MINDY2: variants seen among roughly 807,000 people sequenced by gnomAD.
MINDY2 encodes the protein MINDY lysine 48 deubiquitinase 2, also known as ubiquitin carboxyl-terminal hydrolase MINDY-2.
In MINDY2, 52 loss-of-function variants were observed where a neutral mutation model predicts 68.2. The observed-to-expected ratio is 0.76, with a 90% CI of 0.61 to 0.96. The LOEUF is 0.96. MINDY2 is among the 40% of genes least tolerant of loss of function. MINDY2 has a pLI of 0.00. For missense variants in MINDY2, 881 were observed against 773.4 expected, an observed-to-expected ratio of 1.14 and a Z score of -1.65; for synonymous variants, 372 against 303.0, an observed-to-expected ratio of 1.23 and a Z score of -2.36.
intron 1 of MINDY2, among the ~76,000 whole-genome samples, chr15:58,773,374 C>G (rs1263112412): frequency 6.6e-6 from 1 of 152,236 alleles, no homozygotes; most frequent in African/African-American, 2.4e-5. Flanking sequence ...ATGCCTTTAT[C>G]TTCCTGTCGC....
chr15:58,846,251 A>T (rs1163678344), intron 6 of MINDY2, among the ~76,000 whole-genome samples: 1 of 152,204 alleles, frequency 6.6e-6, no homozygotes, highest in Non-Finnish European at 1.5e-5. Flanking sequence ...GAGAGGCTGG[A>T]TACCACATTT....
At chr15:58,833,807 G>A (rs1342781247) in intron 6 of MINDY2, among the ~76,000 whole-genome samples, 1 of 151,870 alleles carries the variant, frequency 6.6e-6, no homozygotes, top group African/African-American at 2.4e-5. Context: ...GGAGACAGAA[G>A]CCTTCCTCTT....
At position 58,851,938 on chromosome 15, in the gene MINDY2, T is replaced by A. The variant is rs777551361; in HGVS notation, c.1710T>A (p.Ala570=). The A allele has an allele frequency of 2.8e-5, 44 of 1,585,636 alleles. No individual in the cohort carries two copies. The Admixed American group carries it at 3.1e-4, about 11-fold the overall frequency. ...YYQEQEQAAA[A]AAAASTQAQQ... Reference sequence around the variant, plus strand: ...AGGAACAGGAACAAGCAGCAGCTGCTGCTGCTGCTGCTTCTACACAGGCTC... The same window carrying A: ...AGGAACAGGAACAAGCAGCAGCTGCAGCTGCTGCTGCTTCTACACAGGCTC... The change falls in exon 8 of 9, where the codon GCT becomes GCA. Residue 570 remains alanine (A), a synonymous_variant. Coordinates refer to ENST00000559228, the MANE Select transcript of MINDY2 (RefSeq NM_001040450.3).
intron 3 of MINDY2, among the ~76,000 whole-genome samples, chr15:58,805,958 C>T (rs1257197858): frequency 1.3e-5 from 2 of 152,292 alleles, no homozygotes; most frequent in East Asian, 1.9e-4. Flanking sequence ...ACTGTGGTCC[C>T]AGCTACTCGA....
intron 3 of MINDY2, among the ~76,000 whole-genome samples, chr15:58,803,834 C>CG (rs1189871734): frequency 8.9e-5 from 13 of 145,882 alleles, no homozygotes; most frequent in Non-Finnish European, 1.5e-4. Flanking sequence ...AGAGGCCGGG[C>CG]GTGGTGGCTC....
chr15:58,834,596 G>C (rs1414973891), intron 6 of MINDY2, among the ~76,000 whole-genome samples: 3 of 152,178 alleles, frequency 2.0e-5, no homozygotes, highest in Non-Finnish European at 4.4e-5. Flanking sequence ...AGCTAAGGCA[G>C]AGTACAATTC....
intron 3 of MINDY2, among the ~76,000 whole-genome samples, chr15:58,809,299 TATCTC>T (rs2140971983): frequency 6.6e-6 from 1 of 152,328 alleles, no homozygotes; most frequent in Non-Finnish European, 1.5e-5. Flanking sequence ...TGACTCTAAA[TATCTC>T]ATATAAGTAG....
At chr15:58,794,842 G>A (rs1902174838) in intron 2 of MINDY2, among the ~76,000 whole-genome samples, 1 of 152,118 alleles carries the variant, frequency 6.6e-6, no homozygotes. Context: ...AGAGAACACT[G>A]AAATTCAAGA....
intron 3 of MINDY2, among the ~76,000 whole-genome samples, chr15:58,807,406 A>G (rs1041618377): frequency 8.0e-5 from 10 of 124,676 alleles, no homozygotes; most frequent in Non-Finnish European, 1.2e-4. Flanking sequence ...CCCAGGCTGG[A>G]GTGCAGTGGC....
At chr15:58,797,541 T>C (rs1902363974) in intron 2 of MINDY2, among the ~76,000 whole-genome samples, 1 of 152,130 alleles carries the variant, frequency 6.6e-6, no homozygotes, top group Non-Finnish European at 1.5e-5. Flanking sequence ...ATTTTACCTG[T>C]TTATTTTGAC....
intron 4 of MINDY2, among the ~76,000 whole-genome samples, chr15:58,817,917 G>A (rs948263371): frequency 6.6e-6 from 1 of 152,144 alleles, no homozygotes; most frequent in Non-Finnish European, 1.5e-5. Context: ...CACTCTTGAT[G>A]AGTGAAAGAG....
chr15:58,857,464 G>A lies in MINDY2; in HGVS notation c.*2854G>A. 1 of 146,226 alleles carries A rather than the reference G, an allele frequency of 6.8e-6. No homozygotes were observed. 9.1% of individuals were successfully genotyped at this position (146,226 alleles called of 1,614,324 possible). A position where few individuals can be genotyped will look rare whatever the true frequency, so the allele number is the denominator to read the frequency against. On this transcript the variant is annotated 3_prime_UTR_variant, in exon 9 of 9. Transcript: ENST00000559228. The stretch of plus-strand genomic sequence containing the variant: ...CAGGAGAATCGCTTGAACCCAGGAG[G>A]CAGTGATTGCAGTGAGCTGAGATAG...
At chr15:58,803,947 A>G (rs1405894202) in intron 3 of MINDY2, among the ~76,000 whole-genome samples, 4 of 92,694 alleles carry the variant, frequency 4.3e-5, no homozygotes, top group East Asian at 4.0e-4. Context: ...GCTCTACTGA[A>G]AAAAAAAAAA....
chr15:58,830,837 C>T (rs1488604817), intron 5 of MINDY2, among the ~76,000 whole-genome samples: 1 of 151,974 alleles, frequency 6.6e-6, no homozygotes, highest in Non-Finnish European at 1.5e-5. Flanking sequence ...CTTGTTTGAC[C>T]TCAGCTGGGA....
At chr15:58,827,015 A>G (rs2031437653) in intron 5 of MINDY2, among the ~76,000 whole-genome samples, 1 of 151,844 alleles carries the variant, frequency 6.6e-6, no homozygotes, top group Admixed American at 6.6e-5. Context: ...ATATTCCTCA[A>G]TTTGGATTCA....
intron 5 of MINDY2, among the ~76,000 whole-genome samples, 175 bp from the exon 6 acceptor site, chr15:58,831,599 T>A (rs1458083473): frequency 3.9e-5 from 6 of 152,210 alleles, no homozygotes. Flanking sequence ...TATACACATA[T>A]TTCATTGCAA....
rs1267018142 is a variant in MINDY2 at position 58,855,567 on chromosome 15, A to C, written c.*957A>C. 6.6e-6 allele frequency: 1 copy of C among 152,652 alleles called. No individual in the cohort carries two copies. Among genetic ancestry groups the C allele is most frequent in the Non-Finnish European group, 1.5e-5 (1 of 68,040 alleles). The allele number at this position is 152,652 out of a possible 1,614,324, so 9.5% of individuals were successfully genotyped here. On this transcript the variant is annotated 3_prime_UTR_variant, in exon 9 of 9. Coordinates refer to ENST00000559228, the MANE Select transcript of MINDY2 (RefSeq NM_001040450.3). ...AATGTACTTATTAAAACCAATGAAA[A>C]AGCACATTTCTGAAATGAAGTTAGA...
chr15:58,827,117 C>T lies in MINDY2; in HGVS notation c.1226-4657C>T, dbSNP rs867414166. ...TTGTGTCTTTCCCAGTGCATCAAAT[C>T]GGGGGCACATGAGCCTGATTATCTC... On this transcript the variant is annotated intron_variant, in intron 5 of 8. Coordinates refer to ENST00000559228, the MANE Select transcript of MINDY2 (RefSeq NM_001040450.3). Among the ~76,000 whole-genome samples the T allele has an allele frequency of 2.6e-5, 4 of 152,186 alleles. No individual in the cohort carries two copies. The Middle Eastern group carries it at 0.01, about 388-fold the overall frequency.
At chr15:58,813,437 A>C (rs1397859875) in intron 4 of MINDY2, among the ~76,000 whole-genome samples, 1 of 152,212 alleles carries the variant, frequency 6.6e-6, no homozygotes, top group Non-Finnish European at 1.5e-5. Flanking sequence ...TGGCGGCTGC[A>C]GTGAGCCAAG....
Sources: gnomAD v4.1 joint callset for allele counts (sites outside exome capture counted in the v4.1 genomes callset) on GRCh38, gnomAD v4.1.1 for gene constraint, MANE v1.5 for transcripts, NCBI Gene and HGNC (gene_info 2026-07-23, HGNC 2026-07-21) for gene names.